Variants in AK5 observed in about 807,000 individuals in gnomAD.
The protein encoded by AK5 is adenylate kinase 5.
In AK5, 27 loss-of-function variants were observed where a neutral mutation model predicts 69.5. The observed-to-expected ratio is 0.39, with a 90% confidence interval of 0.29 to 0.54. The LOEUF is 0.54. AK5 is among the 20% of genes least tolerant of loss of function. The pLI, the probability that AK5 is intolerant of heterozygous loss-of-function variation, is 0.71. For missense variants in AK5, 531 were observed against 700.4 expected (o/e 0.76, Z 2.73); for synonymous variants, 260 against 244.4 (o/e 1.06, Z -0.60).
intron 6 of AK5, among the ~76,000 whole-genome samples, chr1:77,358,113 G>T (rs1215393704): frequency 6.6e-6 from 1 of 151,580 alleles, no homozygotes; most frequent in African/African-American, 2.4e-5. Flanking sequence ...AATATAAGAA[G>T]AAAGTAAAAA....
At chr1:77,465,690 G>A (rs776325590) in intron 8 of AK5, among the ~76,000 whole-genome samples, 16 of 152,142 alleles carry the variant, frequency 1.1e-4, no homozygotes, top group Admixed American at 2.0e-4. Context: ...AAGGGTAAGT[G>A]GGAGTCGTGG....
intron 8 of AK5, among the ~76,000 whole-genome samples, chr1:77,479,466 A>G (rs977761915): frequency 3.3e-5 from 5 of 152,102 alleles, no homozygotes; most frequent in Non-Finnish European, 7.4e-5. Context: ...TTGGCCTCCC[A>G]AAGTGCTGGG....
At chr1:77,480,667 G>A (rs781049453) in intron 8 of AK5, among the ~76,000 whole-genome samples, 1 of 152,168 alleles carries the variant, frequency 6.6e-6, no homozygotes, top group Non-Finnish European at 1.5e-5. Flanking sequence ...AGATTCAATA[G>A]CTGTTTGACA....
chr1:77,332,592 ATTATTTATTTGATTATTTAT>A (rs1162328379), intron 5 of AK5, among the ~76,000 whole-genome samples: 6 of 138,616 alleles, frequency 4.3e-5, no homozygotes, highest in Non-Finnish European at 9.2e-5. Flanking sequence ...TTATATTTTT[ATTATTTATTTGATTATTTAT>A]TTATTTATTT....
At chr1:77,454,866 T>C (rs1256452795) in intron 8 of AK5, among the ~76,000 whole-genome samples, 1 of 152,218 alleles carries the variant, frequency 6.6e-6, no homozygotes, top group African/African-American at 2.4e-5. Flanking sequence ...ATTACAATCC[T>C]TATCAAGAGT....
intron 8 of AK5, among the ~76,000 whole-genome samples, chr1:77,476,922 G>A (rs1281594692): frequency 1.4e-5 from 2 of 147,044 alleles, no homozygotes; most frequent in African/African-American, 2.5e-5. Context: ...AAAAAAAACA[G>A]GTATAAGGAA....
chr1:77,320,045 A>G (rs942917673), intron 5 of AK5, among the ~76,000 whole-genome samples: 8 of 152,318 alleles, frequency 5.3e-5, no homozygotes, highest in East Asian at 1.9e-4. Flanking sequence ...ACAGTTTTGC[A>G]TGGTTGGGGA....
chr1:77,559,843 A>AT lies in AK5; in HGVS notation c.*1186dup, dbSNP rs544884570. The AT allele has an allele frequency of 0.033, 4,866 of 147,658 alleles. 129 individuals are homozygous for AT. The highest frequency in any genetic ancestry group is 0.073 in the African/African-American group (2,930 of 40,268). 9.1% of individuals were successfully genotyped at this position (147,658 alleles called of 1,614,324 possible). ...AAAAGCATAGTTTCAGTTTGCATGA[A>AT]TTTTTTTTTTTTTCTTCAATGGCTG... is the stretch of plus-strand genomic sequence containing the variant. On this transcript the variant is annotated 3_prime_UTR_variant, in exon 14 of 14. Transcript: ENST00000354567.
intron 5 of AK5, among the ~76,000 whole-genome samples, chr1:77,317,712 A>G (rs1045021374): frequency 3.9e-5 from 6 of 152,120 alleles, no homozygotes; most frequent in Admixed American, 3.9e-4. Flanking sequence ...CACTGCCATT[A>G]GTTCACCCCT....
intron 8 of AK5, among the ~76,000 whole-genome samples, chr1:77,442,378 C>G (rs1652384536): frequency 6.6e-6 from 1 of 152,188 alleles, no homozygotes; most frequent in Non-Finnish European, 1.5e-5. Context: ...ATATGGACTC[C>G]AGGCAGCTCC....
rs1557598498 is a variant in AK5 at position 77,444,385 on chromosome 1, GTATATATAGTATAAA to G, written c.1059+26677_1059+26691del. Among the ~76,000 whole-genome samples the G allele has an allele frequency of 4.0e-3, 97 of 24,314 alleles. 7 individuals are homozygous for G. The highest frequency in any genetic ancestry group is 0.016 in the African/African-American group (93 of 5,882). The allele number at this position is 24,314 out of a possible 152,430, so 16.0% of individuals were successfully genotyped here. ...ATAGTATAAATATATACTATATATAGTATATATAGTATAAATATATACTATATATAGTATATACAT... is the reference window on the plus strand; with the variant it reads ...ATAGTATAAATATATACTATATATAGTATATACTATATATAGTATATACAT... On this transcript the variant is annotated intron_variant, in intron 8 of 13. Transcript: ENST00000354567.
chr1:77,414,101 A>T (rs1008628272), intron 7 of AK5, among the ~76,000 whole-genome samples: 2 of 152,236 alleles, frequency 1.3e-5, no homozygotes, highest in African/African-American at 4.8e-5. Context: ...AGACCTGTAC[A>T]GGTAAAGTGG....
intron 8 of AK5, among the ~76,000 whole-genome samples, chr1:77,468,053 G>T (rs1249182175): frequency 6.6e-6 from 1 of 152,222 alleles, no homozygotes; most frequent in Admixed American, 6.5e-5. Flanking sequence ...GTTAAAGGGG[G>T]TCTTAGAGGA....
intron 6 of AK5, among the ~76,000 whole-genome samples, chr1:77,350,766 A>G (rs1235239437): frequency 6.6e-6 from 1 of 152,268 alleles, no homozygotes; most frequent in African/African-American, 2.4e-5. Context: ...TACCCTTTGG[A>G]TAGTGTTCAT....
chr1:77,548,007 G>A (rs1002099127), intron 13 of AK5, among the ~76,000 whole-genome samples: 2 of 152,120 alleles, frequency 1.3e-5, no homozygotes, highest in Admixed American at 6.5e-5. Context: ...TTGAGCAGGT[G>A]TTTTAGAGAG....
At chr1:77,435,771 A>G (rs1039573676) in intron 8 of AK5, among the ~76,000 whole-genome samples, 3 of 152,198 alleles carry the variant, frequency 2.0e-5, no homozygotes, top group African/African-American at 4.8e-5. Context: ...TTGTTCTAAT[A>G]TAAGAAACCA....
chr1:77,444,246 CA>C (rs1652537041), intron 8 of AK5, among the ~76,000 whole-genome samples: 2 of 26,102 alleles, frequency 7.7e-5, no homozygotes, highest in African/African-American at 1.0e-4. Flanking sequence ...TATATATATA[CA>C]CAACATATGT....
intron 6 of AK5, among the ~76,000 whole-genome samples, chr1:77,357,932 GTTCT>G (rs904398862): frequency 6.6e-6 from 1 of 150,390 alleles, no homozygotes; most frequent in African/African-American, 2.4e-5. Flanking sequence ...TCTGTTTTTA[GTTCT>G]TTCTATCTAA....
chr1:77,491,118 T>C (rs969348461), intron 10 of AK5, among the ~76,000 whole-genome samples: 48 of 152,130 alleles, frequency 3.2e-4, no homozygotes, highest in Non-Finnish European at 5.9e-4. Context: ...GGAGGTATTT[T>C]GGCAATATTT....
Sources: gnomAD v4.1 joint callset for allele counts (sites outside exome capture counted in the v4.1 genomes callset) on GRCh38, gnomAD v4.1.1 for gene constraint, MANE v1.5 for transcripts, NCBI Gene and HGNC (gene_info 2026-07-23, HGNC 2026-07-21) for gene names.